CAPN9: variants seen among roughly 807,000 people sequenced by gnomAD.
CAPN9 encodes calpain 9.
Under a neutral mutation model 92.8 loss-of-function variants are expected in CAPN9, and 81 were observed. The observed-to-expected ratio is 0.87, with a 90% confidence interval of 0.73 to 1.05. The LOEUF (loss-of-function observed/expected upper bound fraction) is 1.05. Ranked by LOEUF, CAPN9 falls within the 50% of genes least tolerant of loss-of-function variation. The pLI, the probability that CAPN9 is intolerant of heterozygous loss-of-function variation, is 0.00. For synonymous variants in CAPN9, 304 were observed against 328.0 expected (o/e 0.93, Z 0.79); for missense variants, 848 against 866.2 (o/e 0.98, Z 0.26).
intron 6 of CAPN9, among the ~76,000 whole-genome samples, chr1:230,769,643 ATCT>A (rs1666254203): frequency 7.9e-6 from 1 of 126,156 alleles, no homozygotes; most frequent in African/African-American, 2.8e-5. Context: ...CTATCTATCT[ATCT>A]ATCTATCTAT....
At chr1:230,772,974 C>T (rs1666488838) in intron 7 of CAPN9, among the ~76,000 whole-genome samples, 1 of 151,940 alleles carries the variant, frequency 6.6e-6, no homozygotes. Flanking sequence ...GAAGCTGTTG[C>T]TCGTCCGCTG....
chr1:230,759,675 G>A lies in CAPN9; in HGVS notation c.402+45G>A, dbSNP rs28359610. ...CAGTGGGTTTACCTCTCTGGGGCCC[G>A]GCATGAGGGCAGGTGCATTTCCACA... On this transcript the variant is annotated intron_variant, in intron 3 of 19. Coordinates refer to ENST00000271971, the MANE Select transcript of CAPN9 (RefSeq NM_006615.3). 9.1e-3 allele frequency: 11,387 copies of A among 1,257,572 alleles called. 701 individuals carry two copies. In the African/African-American group the frequency reaches 0.14, roughly 15 times the overall value. The allele number at this position is 1,257,572 out of a possible 1,614,324, so 77.9% of individuals were successfully genotyped here. A position where few individuals can be genotyped will look rare whatever the true frequency, so the allele number is the denominator to read the frequency against.
Position 230,787,666 on chromosome 1 carries a change from G to A in CAPN9, c.1599+64G>A. ...GGGCCTGGACCTGCTTCCTAGCAAA[G>A]GGTTGCAGTCGTGGGGTTGGTCAGC... On this transcript the variant is annotated intron_variant, in intron 13 of 19. Coordinates refer to ENST00000271971, the MANE Select transcript of CAPN9 (RefSeq NM_006615.3). 5 of 1,444,206 alleles carry A rather than the reference G, an allele frequency of 3.5e-6. No individual in the cohort carries two copies. In the South Asian group the frequency reaches 5.7e-5, roughly 17 times the overall value. 89.5% of individuals were successfully genotyped at this position (1,444,206 alleles called of 1,614,324 possible).
At chr1:230,748,069 A>C (rs1664541285) in intron 1 of CAPN9, among the ~76,000 whole-genome samples, 1 of 152,178 alleles carries the variant, frequency 6.6e-6, no homozygotes, top group South Asian at 2.1e-4. Context: ...TAACACTGAG[A>C]TCACGTTATG....
chr1:230,791,379 A>G (rs764762965), intron 14 of CAPN9, among the ~76,000 whole-genome samples: 6 of 152,208 alleles, frequency 3.9e-5, no homozygotes, highest in Admixed American at 3.3e-4. Context: ...CTGTTTTCTA[A>G]AGTGACTATT....
chr1:230,747,525 C>T lies in CAPN9; in HGVS notation c.29C>T (p.Pro10Leu). The change falls in exon 1 of 20, where the codon CCT (proline) becomes CTT (leucine). Residue 10 changes from proline to leucine, a missense_variant. By Grantham distance (98) the Pro-to-Leu change is moderately conservative (BLOSUM62 -3). Coordinates refer to ENST00000271971, the MANE Select transcript of CAPN9 (RefSeq NM_006615.3). MPYLYRAPGPQAHPVPKDAR... is the reference protein window; with the variant it reads MPYLYRAPGLQAHPVPKDAR... ...CCTTACCTCTACCGGGCCCCAGGGC[C>T]TCAGGCACACCCGGTTCCCAAGGAC... 6.2e-7 allele frequency: 1 copy of T among 1,614,168 alleles called. No homozygotes were observed. Among genetic ancestry groups the T allele is most frequent in the Non-Finnish European group, 8.5e-7 (1 of 1,180,042 alleles).
intron 2 of CAPN9, among the ~76,000 whole-genome samples, chr1:230,759,170 C>A (rs931855375): frequency 1.6e-4 from 25 of 152,182 alleles, no homozygotes; most frequent in Non-Finnish European, 2.6e-4. Flanking sequence ...GCTCGCCCAG[C>A]CCGTGCTGAC....
chr1:230,792,605 C>A, intron 16 of CAPN9, 111 bp downstream of exon 16: 4 of 900,012 alleles, frequency 4.4e-6, no homozygotes, highest in Non-Finnish European at 7.4e-6. Context: ...GAATTGTATT[C>A]GGACAGGGGA....
At chr1:230,756,551 G>A (rs765721207) in intron 2 of CAPN9, among the ~76,000 whole-genome samples, 4 of 152,134 alleles carry the variant, frequency 2.6e-5, no homozygotes, top group East Asian at 1.9e-4. Context: ...GATGATAGAC[G>A]GAATTACAGT....
chr1:230,759,536 T>C lies in CAPN9; in HGVS notation c.308T>C (p.Ile103Thr), dbSNP rs1430763750. Reference protein sequence around the residue: ...ELGDCWLLAAIASLTLNQKAL... With the variant: ...ELGDCWLLAATASLTLNQKAL... ...GGAGACTGCTGGCTATTAGCCGCCATCGCCTCCCTTACGCTTAATCAAAAA... is the reference window on the plus strand; with the variant it reads ...GGAGACTGCTGGCTATTAGCCGCCACCGCCTCCCTTACGCTTAATCAAAAA... Residue 103 changes from isoleucine (I) to threonine (T), a missense_variant, in exon 3 of 20, where the codon ATC (isoleucine) becomes ACC (threonine). Coordinates refer to ENST00000271971, the MANE Select transcript of CAPN9 (RefSeq NM_006615.3). 2 of 1,609,934 alleles carry C rather than the reference T, an allele frequency of 1.2e-6. No homozygotes were observed. The highest frequency in any genetic ancestry group is 1.7e-6 in the Non-Finnish European group (2 of 1,178,570).
chr1:230,799,173 T>C (rs568206707), intron 19 of CAPN9, among the ~76,000 whole-genome samples: 1 of 152,300 alleles, frequency 6.6e-6, no homozygotes, highest in East Asian at 1.9e-4. Flanking sequence ...CATTTCCAAA[T>C]TCATTAGTAA....
At chr1:230,795,954 C>T (rs1041816863) in intron 18 of CAPN9, among the ~76,000 whole-genome samples, 4 of 151,610 alleles carry the variant, frequency 2.6e-5, no homozygotes, top group Non-Finnish European at 5.9e-5. Flanking sequence ...CAGGGGGCCC[C>T]GCATTTCCAT....
Position 230,774,616 on chromosome 1 carries a change from AT to A in CAPN9, c.939del (p.Asp313GlufsTer39), listed in dbSNP as rs765636162. On this transcript the variant is annotated frameshift_variant, in exon 8 of 20. Coordinates refer to ENST00000271971, the MANE Select transcript of CAPN9 (RefSeq NM_006615.3). LOFTEE classifies it high-confidence loss of function. The stretch of plus-strand genomic sequence containing the variant: ...AAGCGTCTGTGTCACACTGCTCTGG[AT>A]GATGGGGAATTCTGGTACCGTGCTT... The part of the protein sequence containing the change: ...EQKRLCHTAL[D>X]DGEFWMAFKD... The A allele has an allele frequency of 6.2e-7, 1 of 1,613,366 alleles. No homozygotes were observed. The highest frequency in any genetic ancestry group is 1.7e-5 in the Admixed American group (1 of 60,002).
At chr1:230,775,499 G>A (rs931032873) in intron 8 of CAPN9, among the ~76,000 whole-genome samples, 4 of 152,076 alleles carry the variant, frequency 2.6e-5, no homozygotes, top group African/African-American at 9.7e-5. Flanking sequence ...CTTCCTGTTT[G>A]GGTTCTAGAA....
intron 10 of CAPN9, 30 bp downstream of exon 10, chr1:230,780,366 T>C: frequency 1.2e-6 from 2 of 1,610,162 alleles, no homozygotes; most frequent in South Asian, 1.1e-5. Flanking sequence ...CATTTCAGAG[T>C]TCTCCATCTG....
At chr1:230,780,373 T>C in intron 10 of CAPN9, 37 bp downstream of exon 10, 1 of 1,609,108 alleles carries the variant, frequency 6.2e-7, no homozygotes, top group Non-Finnish European at 8.5e-7. Context: ...GAGTTCTCCA[T>C]CTGAGTTCTA....
At chr1:230,792,077 G>A in intron 15 of CAPN9, 149 bp downstream of exon 15, 1 of 677,770 alleles carries the variant, frequency 1.5e-6, no homozygotes. Context: ...CAAAGCTGGG[G>A]GACCCCCATG....
intron 5 of CAPN9, 146 bp from the exon 6 acceptor site, chr1:230,769,034 C>T (rs1256251114): frequency 2.2e-5 from 14 of 650,876 alleles, no homozygotes; most frequent in African/African-American, 1.3e-4. Context: ...AGGGGAGCCC[C>T]GTGCATAGCC....
chr1:230,753,590 G>T (rs995691350), intron 1 of CAPN9, among the ~76,000 whole-genome samples: 1 of 152,192 alleles, frequency 6.6e-6, no homozygotes, highest in African/African-American at 2.4e-5. Context: ...ATTCAAAGCA[G>T]AGGTCTCTCG....
Sources: gnomAD v4.1 joint callset for allele counts (sites outside exome capture counted in the v4.1 genomes callset) on GRCh38, gnomAD v4.1.1 for gene constraint, MANE v1.5 for transcripts, NCBI Gene and HGNC (gene_info 2026-07-23, HGNC 2026-07-21) for gene names.